The following UCHL3 variants were observed in gnomAD, a reference collection of about 807,000 sequenced individuals.
UCHL3 encodes the protein ubiquitin C-terminal hydrolase L3.
UCHL3 carries 22 observed loss-of-function variants against 35.8 expected under a neutral mutation model. The ratio of observed to expected loss-of-function variants is 0.61; its 90% CI spans 0.44 to 0.88. The LOEUF (loss-of-function observed/expected upper bound fraction) is 0.88, where lower values mean the gene tolerates loss of function less well. Among genes scored for constraint, UCHL3 ranks in the 40% least tolerant of loss-of-function variants. The pLI, the probability that UCHL3 is intolerant of heterozygous loss-of-function variation, is 0.00. For synonymous variants in UCHL3, 90 were observed against 92.8 expected, an observed-to-expected ratio of 0.97 and a Z score of 0.17; for missense variants, 229 against 276.9, an observed-to-expected ratio of 0.83 and a Z score of 1.23.
chr13:75,550,720 G>GTT lies in UCHL3; in HGVS notation c.54+748_54+749dup, dbSNP rs10581965. 2.0e-3 allele frequency among the ~76,000 whole-genome samples: 280 copies of GTT among 138,400 alleles called. 3 individuals carry two copies. In the South Asian group the frequency reaches 0.03, roughly 15 times the overall value. The allele number at this position is 138,400 out of a possible 152,430, so 90.8% of individuals were successfully genotyped here. A position where few individuals can be genotyped will look rare whatever the true frequency, so the allele number is the denominator to read the frequency against. ...GCTCAGGTGTGCCTTATTTTACCCT[G>GTT]TTTTTTTTTTTTTTTTCATTCTCAA... On this transcript the variant is annotated intron_variant, in intron 2 of 8. Transcript: ENST00000377595.
At chr13:75,590,160 C>G (rs1449545310) in intron 6 of UCHL3, 1 of 1,284,012 alleles carries the variant, frequency 7.8e-7, no homozygotes, top group African/African-American at 1.5e-5. Context: ...GTCTCTTCTT[C>G]CAGTGACAAG....
intron 6 of UCHL3, among the ~76,000 whole-genome samples, chr13:75,593,817 T>C (rs1207409686): frequency 2.0e-5 from 3 of 152,208 alleles, no homozygotes; most frequent in African/African-American, 4.8e-5. Context: ...TAATGTTTAT[T>C]CTGTACCTTT....
chr13:75,591,112 G>A (rs34072684), intron 6 of UCHL3, among the ~76,000 whole-genome samples: 16,769 of 152,168 alleles, frequency 0.11, 1,182 homozygotes, highest in Non-Finnish European at 0.16. Context: ...CTGATTACAC[G>A]TACATTTAAT....
chr13:75,601,507 G>A (rs563502880), intron 7 of UCHL3, among the ~76,000 whole-genome samples: 33 of 152,286 alleles, frequency 2.2e-4, no homozygotes, highest in East Asian at 9.6e-4. Context: ...GCAAAAAGAT[G>A]GCAACTTGCT....
At position 75,594,941 on chromosome 13, in the gene UCHL3, T is replaced by A; in HGVS notation, c.501T>A (p.Asp167Glu). The stretch of plus-strand genomic sequence containing the variant: ...CACCAAGTATAGATGAGAAAGTAGA[T>A]CTTCATTTTATTGCATTAGTTCATG... The part of the protein sequence containing the change: ...TEAPSIDEKV[D>E]LHFIALVHVD... Residue 167 changes from aspartate (D) to glutamate (E), a missense_variant, in exon 7 of 9, where the codon GAT becomes GAA. Asp to Glu is a conservative substitution (Grantham distance 45, BLOSUM62 2). Transcript: ENST00000377595. 1 of 1,607,488 alleles carries A rather than the reference T, an allele frequency of 6.2e-7. No homozygotes were observed. The highest frequency in any genetic ancestry group is 8.5e-7 in the Non-Finnish European group (1 of 1,178,478).
intron 3 of UCHL3, among the ~76,000 whole-genome samples, chr13:75,565,889 A>G (rs2031667631): frequency 6.6e-6 from 1 of 152,254 alleles, no homozygotes; most frequent in South Asian, 2.1e-4. Flanking sequence ...ACAGCTAATA[A>G]CAGCTGAGCC....
At chr13:75,550,351 A>C (rs928782428) in intron 2 of UCHL3, among the ~76,000 whole-genome samples, 1 of 151,860 alleles carries the variant, frequency 6.6e-6, no homozygotes, top group African/African-American at 2.4e-5. Flanking sequence ...TGGATGACTA[A>C]TTTGCCCACA....
chr13:75,575,298 C>G (rs2031985756), intron 6 of UCHL3, among the ~76,000 whole-genome samples: 1 of 152,172 alleles, frequency 6.6e-6, no homozygotes, highest in Admixed American at 6.5e-5. Context: ...AGCCCCACCT[C>G]ACTTATGCTT....
chr13:75,564,312 G>C (rs886216320), intron 3 of UCHL3, among the ~76,000 whole-genome samples: 1 of 151,896 alleles, frequency 6.6e-6, no homozygotes, highest in African/African-American at 2.4e-5. Flanking sequence ...CACCACGCCC[G>C]GCTTATTTTT....
intron 6 of UCHL3, among the ~76,000 whole-genome samples, chr13:75,570,192 T>C (rs1012625860): frequency 7.2e-5 from 11 of 152,190 alleles, no homozygotes; most frequent in Non-Finnish European, 1.2e-4. Context: ...TACCAGAGAA[T>C]TAGAGGTTTT....
At chr13:75,556,665 G>A (rs575172406) in intron 2 of UCHL3, among the ~76,000 whole-genome samples, 3 of 152,138 alleles carry the variant, frequency 2.0e-5, no homozygotes, top group East Asian at 1.9e-4. Flanking sequence ...TTTAAGACTC[G>A]TTTGTGTGTC....
intron 2 of UCHL3, among the ~76,000 whole-genome samples, chr13:75,550,486 C>A (rs1051864057): frequency 6.6e-6 from 1 of 152,158 alleles, no homozygotes; most frequent in Non-Finnish European, 1.5e-5. Flanking sequence ...CCCCGCCACG[C>A]CCCCTTTATC....
intron 6 of UCHL3, among the ~76,000 whole-genome samples, chr13:75,590,553 G>A (rs1292477871): frequency 6.6e-6 from 1 of 151,988 alleles, no homozygotes; most frequent in Non-Finnish European, 1.5e-5. Context: ...ATGTTTCTGA[G>A]CATGACTTTA....
chr13:75,569,126 T>C (rs890479157), intron 5 of UCHL3: 1 of 183,340 alleles, frequency 5.5e-6, no homozygotes, highest in African/African-American at 2.3e-5. Flanking sequence ...ATCTGTGAAA[T>C]GCTTACTTTA....
chr13:75,571,327 G>C (rs932805998), intron 6 of UCHL3, among the ~76,000 whole-genome samples: 3 of 152,052 alleles, frequency 2.0e-5, no homozygotes, highest in Non-Finnish European at 4.4e-5. Flanking sequence ...CTTTTTAAAT[G>C]ATCTTCATGT....
At chr13:75,586,311 G>C (rs972197439) in intron 6 of UCHL3, among the ~76,000 whole-genome samples, 3 of 151,924 alleles carry the variant, frequency 2.0e-5, no homozygotes, top group Admixed American at 2.0e-4. Context: ...TCACCAAGAA[G>C]ACATAGCATA....
intron 7 of UCHL3, among the ~76,000 whole-genome samples, chr13:75,601,588 T>G (rs2138588659): frequency 6.6e-6 from 1 of 152,322 alleles, no homozygotes; most frequent in East Asian, 1.9e-4. Context: ...TATTGTTTTC[T>G]TAGACATAAT....
intron 2 of UCHL3, among the ~76,000 whole-genome samples, chr13:75,552,570 CAG>C (rs2031150100): frequency 6.6e-6 from 1 of 152,200 alleles, no homozygotes; most frequent in Non-Finnish European, 1.5e-5. Flanking sequence ...ATGTGGTAGA[CAG>C]TGATTTCTCT....
At chr13:75,574,429 G>A (rs943572817) in intron 6 of UCHL3, among the ~76,000 whole-genome samples, 28 of 152,094 alleles carry the variant, frequency 1.8e-4, no homozygotes, top group East Asian at 9.6e-4. Context: ...TGTCTTGTTC[G>A]CTTTGAATCC....
Sources: allele counts gnomAD v4.1 joint callset (sites outside exome capture counted in the v4.1 genomes callset), GRCh38; gene constraint gnomAD v4.1.1; transcripts MANE v1.5; gene names NCBI Gene and HGNC (gene_info 2026-07-23, HGNC 2026-07-21).